NRXN1: variants seen among roughly 807,000 people sequenced by gnomAD.
NRXN1 encodes neurexin-1.
NRXN1 carries 39 observed loss-of-function variants against 150.9 expected under a neutral mutation model. The ratio of observed to expected loss-of-function variants is 0.26; its 90% confidence interval spans 0.20 to 0.34. The LOEUF is 0.34. Ranked by LOEUF, NRXN1 falls within the 10% of genes least tolerant of loss-of-function variation. The pLI, the probability that NRXN1 is intolerant of heterozygous loss-of-function variation, is 1.00. For missense variants in NRXN1, 1,815 were observed against 1,949.9 expected, an observed-to-expected ratio of 0.93 and a Z score of 1.30; for synonymous variants, 924 against 757.0, an observed-to-expected ratio of 1.22 and a Z score of -3.62.
intron 5 of NRXN1, among the ~76,000 whole-genome samples, chr2:50,704,430 T>A (rs1350101863): frequency 6.6e-6 from 1 of 152,006 alleles, no homozygotes; most frequent in Non-Finnish European, 1.5e-5. Flanking sequence ...CAGATTACTA[T>A]TTCAATATGC....
intron 18 of NRXN1, among the ~76,000 whole-genome samples, chr2:50,170,544 A>T (rs991711622): frequency 6.6e-6 from 1 of 151,982 alleles, no homozygotes; most frequent in Non-Finnish European, 1.5e-5. Flanking sequence ...TGATTCGCCC[A>T]CCTTGGCCTC....
chr2:50,583,250 T>C (rs1186328801), intron 8 of NRXN1, among the ~76,000 whole-genome samples: 6 of 152,052 alleles, frequency 3.9e-5, no homozygotes, highest in Non-Finnish European at 8.8e-5. Flanking sequence ...CTATGTTGCC[T>C]AGGCTGGTCT....
At chr2:50,922,438 G>T (rs1428761792) in intron 4 of NRXN1, 4 of 619,466 alleles carry the variant, frequency 6.5e-6, no homozygotes, top group Non-Finnish European at 1.2e-5. Flanking sequence ...ATATTATAAT[G>T]CAAGAAATGA....
chr2:50,112,589 TG>T (rs2152726525), intron 18 of NRXN1, among the ~76,000 whole-genome samples: 1 of 152,324 alleles, frequency 6.6e-6, no homozygotes, highest in East Asian at 1.9e-4. Context: ...TATTTTGAGT[TG>T]TGAACTTTTA....
At chr2:50,827,118 C>A (rs1670564140) in intron 5 of NRXN1, among the ~76,000 whole-genome samples, 1 of 152,192 alleles carries the variant, frequency 6.6e-6, no homozygotes, top group African/African-American at 2.4e-5. Context: ...AATGTGATCA[C>A]TGGATTTGGC....
intron 16 of NRXN1, among the ~76,000 whole-genome samples, chr2:50,470,671 T>G (rs914542155): frequency 6.6e-6 from 1 of 151,734 alleles, no homozygotes; most frequent in Non-Finnish European, 1.5e-5. Context: ...CTCATCCTCA[T>G]AAATCTAAAA....
chr2:50,397,627 G>A (rs1239581704), intron 17 of NRXN1, among the ~76,000 whole-genome samples: 2 of 152,020 alleles, frequency 1.3e-5, no homozygotes, highest in Non-Finnish European at 2.9e-5. Context: ...TTAAATCTGA[G>A]TTTTCCAACA....
At chr2:50,642,808 G>T (rs543051253) in intron 5 of NRXN1, among the ~76,000 whole-genome samples, 1 of 151,938 alleles carries the variant, frequency 6.6e-6, no homozygotes, top group Non-Finnish European at 1.5e-5. Flanking sequence ...GATGGGAATG[G>T]TCTATTACTA....
chr2:50,281,263 G>C (rs2071416229), intron 17 of NRXN1, among the ~76,000 whole-genome samples: 1 of 151,716 alleles, frequency 6.6e-6, no homozygotes, highest in Non-Finnish European at 1.5e-5. Context: ...CTTGCAGTGA[G>C]CCGAGATCGC....
At chr2:50,899,843 G>A (rs1295726102) in intron 5 of NRXN1, among the ~76,000 whole-genome samples, 1 of 152,116 alleles carries the variant, frequency 6.6e-6, no homozygotes, top group Non-Finnish European at 1.5e-5. Flanking sequence ...AAGCATAAAC[G>A]TCAGGTTGTT....
intron 9 of NRXN1, chr2:50,548,066 A>G (rs575006918): frequency 6.6e-6 from 1 of 152,320 alleles, no homozygotes; most frequent in East Asian, 1.9e-4. Flanking sequence ...TACCCCTTTC[A>G]GTGAACTAAA....
At chr2:50,168,151 T>G (rs879096052) in intron 18 of NRXN1, among the ~76,000 whole-genome samples, 1 of 152,132 alleles carries the variant, frequency 6.6e-6, no homozygotes, top group Admixed American at 6.5e-5. Flanking sequence ...AACAGTCTGG[T>G]GATGGCAGGC....
intron 6 of NRXN1, among the ~76,000 whole-genome samples, chr2:50,622,750 T>G (rs1680261586): frequency 6.6e-6 from 1 of 152,156 alleles, no homozygotes; most frequent in African/African-American, 2.4e-5. Context: ...GGGGTTTAAC[T>G]TAAAGCATCT....
intron 1 of NRXN1, among the ~76,000 whole-genome samples, chr2:51,030,338 CT>C (rs1344022042): frequency 6.6e-6 from 1 of 151,800 alleles, no homozygotes; most frequent in Non-Finnish European, 1.5e-5. Context: ...CCAATTAACA[CT>C]TTTTTTCCCT....
chr2:50,398,154 T>C (rs1475883379), intron 17 of NRXN1, among the ~76,000 whole-genome samples: 1 of 152,160 alleles, frequency 6.6e-6, no homozygotes, highest in Non-Finnish European at 1.5e-5. Context: ...GGATGATTTA[T>C]TGGCTAAGTT....
intron 12 of NRXN1, among the ~76,000 whole-genome samples, chr2:50,525,589 G>C (rs1453080880): frequency 6.6e-6 from 1 of 152,156 alleles, no homozygotes; most frequent in East Asian, 1.9e-4. Flanking sequence ...AATGGTATAA[G>C]CTAATGAGCA....
At chr2:50,202,171 G>A (rs998382261) in intron 18 of NRXN1, among the ~76,000 whole-genome samples, 1 of 152,156 alleles carries the variant, frequency 6.6e-6, no homozygotes, top group African/African-American at 2.4e-5. Flanking sequence ...ACGAAAGGAG[G>A]AATGATTAGT....
intron 21 of NRXN1, among the ~76,000 whole-genome samples, chr2:49,962,458 G>A (rs1184130572): frequency 6.6e-6 from 1 of 152,118 alleles, no homozygotes; most frequent in African/African-American, 2.4e-5. Flanking sequence ...TATAAATTGA[G>A]AATGTAATAT....
rs142705270 is a variant in NRXN1, at chr2:50,887,125, T to C, written c.832+34744A>G. Among the ~76,000 whole-genome samples, 4 of 151,552 alleles carry C rather than the reference T, an allele frequency of 2.6e-5. No homozygotes were observed. In the East Asian group the frequency reaches 7.8e-4, roughly 29 times the overall value. On this transcript the variant is annotated intron_variant, in intron 5 of 22. Coordinates refer to ENST00000401669, the MANE Select transcript of NRXN1 (RefSeq NM_001330078.2). ...TCAGAATGCAAGTTACTAGTTTTAT[T>C]TTATTCACTTTATGTTTTCAGTATC...
Sources: gnomAD v4.1 joint callset for allele counts (sites outside exome capture counted in the v4.1 genomes callset) on GRCh38, gnomAD v4.1.1 for gene constraint, MANE v1.5 for transcripts, NCBI Gene and HGNC (gene_info 2026-07-23, HGNC 2026-07-21) for gene names.